The following LPO variants were observed in gnomAD, a reference collection of about 807,000 sequenced individuals.
The protein encoded by LPO is salivary peroxidase.
LPO carries 70 observed loss-of-function variants against 68.4 expected under a neutral mutation model. The ratio of observed to expected loss-of-function variants is 1.02; its 90% confidence interval spans 0.84 to 1.25. LPO has a LOEUF of 1.25. LPO is among the 50% of genes most tolerant of loss of function. The pLI is 0.00. For missense variants in LPO, 873 were observed against 908.4 expected, an observed-to-expected ratio of 0.96 and a Z score of 0.50; for synonymous variants, 360 against 357.6, an observed-to-expected ratio of 1.01 and a Z score of -0.08.
intron 9 of LPO, among the ~76,000 whole-genome samples, chr17:58,257,658 G>C (rs1245947100): frequency 6.6e-6 from 1 of 152,234 alleles, no homozygotes; most frequent in African/African-American, 2.4e-5. Context: ...TATACACCCA[G>C]TAGTGAGATT....
chr17:58,249,248 C>A, intron 5 of LPO, 71 bp downstream of exon 5: 1 of 1,388,052 alleles, frequency 7.2e-7, no homozygotes, highest in Non-Finnish European at 1.0e-6. Context: ...GCCTTTGTCC[C>A]TTGGGCACTC....
intron 9 of LPO, among the ~76,000 whole-genome samples, chr17:58,256,826 CA>C (rs969464308): frequency 0.12 from 8,856 of 74,514 alleles, 419 homozygotes; most frequent in African/African-American, 0.24. Flanking sequence ...GACTCCCTTT[CA>C]AAAAAAAAAA....
At chr17:58,260,093 G>A (rs888068832) in intron 9 of LPO, among the ~76,000 whole-genome samples, 5 of 152,208 alleles carry the variant, frequency 3.3e-5, no homozygotes, top group Admixed American at 2.0e-4. Context: ...GATTACAGGC[G>A]TGAGCCACCA....
Position 58,267,574 on chromosome 17 carries a change from G to A in LPO, c.1919G>A (p.Arg640His), listed in dbSNP as rs143775205. 42 of 1,609,336 alleles carry A rather than the reference G, an allele frequency of 2.6e-5. No homozygotes were observed. Among genetic ancestry groups the A allele is most frequent in the African/African-American group, 1.7e-4 (13 of 74,952 alleles). The change falls in exon 12 of 13, where the codon CGT becomes CAT. Residue 640 changes from arginine (R) to histidine (H), a missense_variant. Coordinates refer to ENST00000262290, the MANE Select transcript of LPO (RefSeq NM_006151.3). ...CLLGKQFQQI[R>H]DGDRFWWENP... ...TTGGGCAAGCAGTTCCAGCAGATCC[G>A]TGATGGAGACAGGCAAGTGCGTCCT...
chr17:58,266,780 T>C (rs564772818), intron 11 of LPO, among the ~76,000 whole-genome samples: 53 of 152,330 alleles, frequency 3.5e-4, no homozygotes, highest in Admixed American at 1.9e-3. Flanking sequence ...AAACCCACTT[T>C]GTTCATCTAT....
intron 1 of LPO, among the ~76,000 whole-genome samples, chr17:58,238,957 T>C (rs1009097878): frequency 7.2e-5 from 11 of 152,198 alleles, no homozygotes; most frequent in African/African-American, 2.7e-4. Flanking sequence ...AAGGCTTTTC[T>C]GTGTCTGAAA....
At chr17:58,249,288 T>G in intron 5 of LPO, 111 bp downstream of exon 5, 4 of 1,023,790 alleles carry the variant, frequency 3.9e-6, no homozygotes. Flanking sequence ...CTTGCCCACC[T>G]GGGCTGGCGT....
At position 58,250,341 on chromosome 17, in the gene LPO, A is replaced by C. The variant is rs562311708; in HGVS notation, c.574-74A>C. 1.3e-5 allele frequency: 15 copies of C among 1,144,774 alleles called. No homozygotes were observed. The East Asian group carries it at 2.3e-4, about 18-fold the overall frequency. 70.9% of individuals were successfully genotyped at this position (1,144,774 alleles called of 1,614,324 possible). ...ACTTGTAACATGGTAGGTAGTTAAT[A>C]AGCTGTAGTTGCATCTGAATCCTCA... On this transcript the variant is annotated intron_variant, in intron 6 of 12. Coordinates refer to ENST00000262290, the MANE Select transcript of LPO (RefSeq NM_006151.3).
At chr17:58,254,766 G>A in intron 8 of LPO, 45 bp from the exon 9 acceptor site, 1 of 1,604,618 alleles carries the variant, frequency 6.2e-7, no homozygotes, top group Non-Finnish European at 8.5e-7. Flanking sequence ...ACTGGGTCCT[G>A]GGGCTGTTAG....
chr17:58,267,312 T>A (rs764690251), intron 11 of LPO, 37 bp from the exon 12 acceptor site: 1 of 1,555,046 alleles, frequency 6.4e-7, no homozygotes, highest in Non-Finnish European at 8.9e-7. Flanking sequence ...GAACAGGAAG[T>A]CCCCGGGATG....
chr17:58,251,732 A>G (rs1444796237), intron 7 of LPO: 4 of 380,534 alleles, frequency 1.1e-5, no homozygotes, highest in Admixed American at 3.4e-5. Flanking sequence ...TTTCTCATCT[A>G]TAAAATGGAA....
intron 9 of LPO, among the ~76,000 whole-genome samples, chr17:58,257,506 G>A (rs1047263836): frequency 2.6e-5 from 4 of 152,116 alleles, no homozygotes; most frequent in Admixed American, 2.6e-4. Flanking sequence ...GTACACCATT[G>A]TGTATATGTA....
chr17:58,250,435 G>C lies in LPO; in HGVS notation c.594G>C (p.Lys198Asn), dbSNP rs1398011089. The change falls in exon 7 of 13, where the codon AAG becomes AAC. Residue 198 changes from lysine to asparagine, a missense_variant. Coordinates refer to ENST00000262290, the MANE Select transcript of LPO (RefSeq NM_006151.3). ...PLPLAREVSNKIVGYLNEEGV... is the reference protein window; with the variant it reads ...PLPLAREVSNNIVGYLNEEGV... The stretch of plus-strand genomic sequence containing the variant: ...TGTAGGCCCGGGAGGTATCTAACAA[G>C]ATTGTTGGCTATCTGAATGAGGAGG... The C allele has an allele frequency of 6.2e-7, 1 of 1,614,028 alleles. No homozygotes were observed. Among genetic ancestry groups the C allele is most frequent in the African/African-American group, 1.3e-5 (1 of 74,904 alleles).
intron 10 of LPO, among the ~76,000 whole-genome samples, chr17:58,265,571 A>G (rs1598034197): frequency 1.5e-5 from 2 of 132,556 alleles, no homozygotes; most frequent in South Asian, 4.7e-4. Flanking sequence ...CTTTAAAAAT[A>G]CCTTTTTTTT....
At chr17:58,247,988 T>A (rs1969882490) in intron 4 of LPO, among the ~76,000 whole-genome samples, 1 of 152,232 alleles carries the variant, frequency 6.6e-6, no homozygotes, top group Non-Finnish European at 1.5e-5. Context: ...AGCCACAGTG[T>A]CACCACTTCC....
intron 9 of LPO, among the ~76,000 whole-genome samples, chr17:58,259,258 G>T (rs1970131500): frequency 6.6e-6 from 1 of 152,056 alleles, no homozygotes; most frequent in East Asian, 1.9e-4. Flanking sequence ...GTAAATTTTT[G>T]CATAAAGTGT....
intron 7 of LPO, chr17:58,251,684 G>A (rs1191903137): frequency 8.3e-6 from 3 of 361,956 alleles, no homozygotes; most frequent in African/African-American, 2.1e-5. Context: ...CAGTGTATAA[G>A]TTCTTAGGCA....
At chr17:58,267,630 C>A in intron 12 of LPO, 44 bp downstream of exon 12, 1 of 1,545,200 alleles carries the variant, frequency 6.5e-7, no homozygotes, top group Non-Finnish European at 8.8e-7. Context: ...GGGCCCTTCT[C>A]CAAGAGGGGT....
At chr17:58,267,170 C>T (rs1399944990) in intron 11 of LPO, among the ~76,000 whole-genome samples, 179 bp from the exon 12 acceptor site, 1 of 152,242 alleles carries the variant, frequency 6.6e-6, no homozygotes, top group Non-Finnish European at 1.5e-5. Flanking sequence ...TAGGACTTAA[C>T]CAACTAGCCC....
Sources: gnomAD v4.1 joint callset for allele counts (sites outside exome capture counted in the v4.1 genomes callset) on GRCh38, gnomAD v4.1.1 for gene constraint, MANE v1.5 for transcripts, NCBI Gene and HGNC (gene_info 2026-07-23, HGNC 2026-07-21) for gene names.